Variants in RBM19 observed in about 807,000 individuals in gnomAD.
The protein encoded by RBM19 is RNA binding motif protein 19.
A neutral mutation model predicts 116.8 loss-of-function variants in RBM19; 94 were observed. That is an observed-to-expected ratio of 0.80 (90% CI 0.68 to 0.95). RBM19 has a LOEUF of 0.95. Among genes scored for constraint, RBM19 ranks in the 40% least tolerant of loss-of-function variants. The pLI is 0.00. For synonymous variants in RBM19, 475 were observed against 494.1 expected (o/e 0.96, Z 0.51); for missense variants, 1,161 against 1,220.7 (o/e 0.95, Z 0.73).
chr12:113,939,303 C>G (rs1870339473), intron 15 of RBM19, among the ~76,000 whole-genome samples: 1 of 151,868 alleles, frequency 6.6e-6, no homozygotes, highest in Admixed American at 6.6e-5. Context: ...GAGACCCTGT[C>G]TTTCAAAATA....
chr12:113,959,243 ACT>A lies in RBM19; in HGVS notation c.538_539del (p.Ser180Ter). The A allele has an allele frequency of 6.2e-7, 1 of 1,611,898 alleles. No homozygotes were observed. On this transcript the variant is annotated frameshift_variant, in exon 5 of 24. Transcript: ENST00000261741. LOFTEE classifies it high-confidence loss of function. Reference protein sequence around the residue: ...LNFDSDSGQESEEEGAGEDLE... With the variant: ...LNFDSDSGQEXEEEGAGEDLE... ...GGTCCTCCCCGGCTCCCTCCTCCTCACTCTCCTGCCCAGAATCGGAGTCGAAG... is the reference window on the plus strand; with the variant it reads ...GGTCCTCCCCGGCTCCCTCCTCCTCACTCCTGCCCAGAATCGGAGTCGAAG...
At chr12:113,839,848 G>A (rs1876311651) in intron 23 of RBM19, among the ~76,000 whole-genome samples, 1 of 152,160 alleles carries the variant, frequency 6.6e-6, no homozygotes. Context: ...TCTTGCCCTG[G>A]AACACACAGC....
intron 20 of RBM19, among the ~76,000 whole-genome samples, chr12:113,915,754 G>A (rs1048225350): frequency 4.6e-5 from 7 of 152,234 alleles, no homozygotes; most frequent in African/African-American, 1.7e-4. Flanking sequence ...TGTAGAATGG[G>A]TGTAATGATA....
At position 113,945,636 on chromosome 12, in the gene RBM19, G is replaced by A. The variant is rs150566346; in HGVS notation, c.1626+192C>T. On this transcript the variant is annotated intron_variant, in intron 13 of 23. Transcript: ENST00000261741. The stretch of plus-strand genomic sequence containing the variant: ...ATAAGGGCATGAGAAGCCAGGGCTG[G>A]AGCCTGGCTGGGGATGTTTCCAAAG... Among the ~76,000 whole-genome samples the A allele has an allele frequency of 3.9e-3, 591 of 152,334 alleles. 8 individuals carry two copies. The highest frequency in any genetic ancestry group is 0.012 in the African/African-American group (486 of 41,574).
intron 21 of RBM19, among the ~76,000 whole-genome samples, chr12:113,912,456 G>C (rs1024985324): frequency 6.6e-6 from 1 of 152,246 alleles, no homozygotes; most frequent in Non-Finnish European, 1.5e-5. Flanking sequence ...AGGCAGCAGA[G>C]AGGAGTGGCT....
chr12:113,880,965 C>CA (rs1565994309), intron 21 of RBM19, among the ~76,000 whole-genome samples: 4 of 152,178 alleles, frequency 2.6e-5, no homozygotes, highest in Admixed American at 2.0e-4. Flanking sequence ...CTGCTGTCAT[C>CA]AAATGTCCCT....
chr12:113,886,992 C>T (rs1880573971), intron 21 of RBM19, among the ~76,000 whole-genome samples: 1 of 152,264 alleles, frequency 6.6e-6, no homozygotes, highest in Non-Finnish European at 1.5e-5. Flanking sequence ...ACTGTACCGC[C>T]TGTTTTGTAC....
chr12:113,844,859 AGCTGCCTGCCT>A (rs1876821339), intron 22 of RBM19, 71 bp from the exon 23 acceptor site: 2 of 1,492,110 alleles, frequency 1.3e-6, no homozygotes, highest in African/African-American at 2.8e-5. Context: ...TCTGCCTGCC[AGCTGCCTGCCT>A]GCGTCTCAGA....
intron 22 of RBM19, among the ~76,000 whole-genome samples, chr12:113,850,175 T>C (rs967664098): frequency 2.6e-5 from 4 of 152,072 alleles, no homozygotes; most frequent in African/African-American, 9.7e-5. Context: ...GGGGTGGGGA[T>C]AGATTCTGTT....
intron 1 of RBM19, among the ~76,000 whole-genome samples, chr12:113,964,349 C>G (rs1404285839): frequency 6.6e-6 from 1 of 152,184 alleles, no homozygotes; most frequent in Non-Finnish European, 1.5e-5. Flanking sequence ...GTTACTTTAC[C>G]TAAAGCACCT....
rs928820455 is a variant in RBM19 at position 113,831,914 on chromosome 12, A to G, written c.2786-8593T>C. Among the ~76,000 whole-genome samples, 12 of 152,316 alleles carry G rather than the reference A, an allele frequency of 7.9e-5. No individual in the cohort carries two copies. In the South Asian group the frequency reaches 2.1e-3, roughly 26 times the overall value. On this transcript the variant is annotated intron_variant, in intron 23 of 23. Coordinates refer to ENST00000261741, the MANE Select transcript of RBM19 (RefSeq NM_016196.4). ...ACCCCCAGCCTCCCTGCACTGCTGC[A>G]GGGAGAAGGATCTTGCTCTCTGATC...
intron 18 of RBM19, among the ~76,000 whole-genome samples, chr12:113,923,843 G>A (rs546995854): frequency 1.6e-4 from 25 of 152,316 alleles, no homozygotes; most frequent in African/African-American, 5.3e-4. Flanking sequence ...TGCATGCTGC[G>A]GGCAGGGCTG....
At position 113,947,385 on chromosome 12, in the gene RBM19, G is replaced by A; in HGVS notation, c.1356C>T (p.Phe452=). 1.2e-6 allele frequency: 2 copies of A among 1,611,446 alleles called. No individual in the cohort carries two copies. The highest frequency in any genetic ancestry group is 2.2e-5 in the South Asian group (2 of 90,982). Residue 452 remains phenylalanine (F), a synonymous_variant, in exon 11 of 24, where the codon TTC becomes TTT. Transcript: ENST00000261741. ...AGTAGGCCTTCACAGCGTGCTCAGG[G>A]AACATGAAGGTGATGAATGCAAAAC... ...PKGFAFITFM[F]PEHAVKAYSE...
intron 21 of RBM19, among the ~76,000 whole-genome samples, chr12:113,871,336 T>C (rs1879190036): frequency 6.6e-6 from 1 of 152,246 alleles, no homozygotes; most frequent in Non-Finnish European, 1.5e-5. Flanking sequence ...CTCGTTTATT[T>C]AATTTCTCAT....
At chr12:113,938,317 G>A (rs1391794346) in intron 15 of RBM19, among the ~76,000 whole-genome samples, 2 of 152,114 alleles carry the variant, frequency 1.3e-5, no homozygotes, top group African/African-American at 4.8e-5. Flanking sequence ...GAGCTTAGTG[G>A]CCACAGAGTC....
In RBM19 at chr12:113,864,320, G is replaced by A. The variant is rs138406300; in HGVS notation, c.2559-5424C>T. Reference sequence around the variant, plus strand: ...TTGATTGGGGGCAGCTGCATGGGAAGCCTCTTAGCTGGGAAGCAGCCAGTG... The same window carrying A: ...TTGATTGGGGGCAGCTGCATGGGAAACCTCTTAGCTGGGAAGCAGCCAGTG... On this transcript the variant is annotated intron_variant, in intron 21 of 23. Transcript: ENST00000261741. 8.7e-4 allele frequency among the ~76,000 whole-genome samples: 133 copies of A among 152,306 alleles called. 1 individual carries two copies. The highest frequency in any genetic ancestry group is 3.1e-3 in the African/African-American group (127 of 41,556).
chr12:113,841,949 G>A (rs574016772), intron 23 of RBM19, among the ~76,000 whole-genome samples: 5 of 152,324 alleles, frequency 3.3e-5, no homozygotes, highest in Admixed American at 6.5e-5. Flanking sequence ...AACAGTAGTC[G>A]TCATAAATTA....
chr12:113,910,101 C>G (rs1330534801), intron 21 of RBM19, among the ~76,000 whole-genome samples: 2 of 152,192 alleles, frequency 1.3e-5, no homozygotes. Flanking sequence ...ACGCCATCCT[C>G]AGAGAGGCAG....
chr12:113,843,339 T>A (rs1243544922), intron 23 of RBM19, among the ~76,000 whole-genome samples: 1 of 151,656 alleles, frequency 6.6e-6, no homozygotes, highest in Non-Finnish European at 1.5e-5. Flanking sequence ...AGAGAAGGGA[T>A]GGATGAGGGC....
Sources: allele counts gnomAD v4.1 joint callset (sites outside exome capture counted in the v4.1 genomes callset), GRCh38; gene constraint gnomAD v4.1.1; transcripts MANE v1.5; gene names NCBI Gene and HGNC (gene_info 2026-07-23, HGNC 2026-07-21).